The following TSPAN9 variants were observed in gnomAD, a reference collection of about 807,000 sequenced individuals.
The protein encoded by TSPAN9 is tetraspanin-9.
Under a neutral mutation model 31.0 loss-of-function variants are expected in TSPAN9, and 16 were observed. The observed-to-expected ratio is 0.52, with a 90% CI of 0.35 to 0.78. The LOEUF is 0.78. TSPAN9 is among the 30% of genes least tolerant of loss of function. TSPAN9 has a pLI of 0.01. For missense variants in TSPAN9, 272 were observed against 312.5 expected, an observed-to-expected ratio of 0.87 and a Z score of 0.98; for synonymous variants, 145 against 121.6, an observed-to-expected ratio of 1.19 and a Z score of -1.27.
chr12:3,221,796 C>T (rs1738672960), intron 3 of TSPAN9, among the ~76,000 whole-genome samples: 1 of 152,204 alleles, frequency 6.6e-6, no homozygotes, highest in African/African-American at 2.4e-5. Context: ...GCTGGGACTA[C>T]AGGCATGTAC....
intron 3 of TSPAN9, among the ~76,000 whole-genome samples, chr12:3,242,520 C>G (rs2098397096): frequency 6.6e-6 from 1 of 152,266 alleles, no homozygotes; most frequent in Admixed American, 6.5e-5. Context: ...AGAGTAGAAA[C>G]TGGGTCCCCT....
intron 2 of TSPAN9, chr12:3,083,993 A>G (rs2098299184): frequency 6.6e-6 from 1 of 152,058 alleles, no homozygotes; most frequent in Non-Finnish European, 1.5e-5. Flanking sequence ...TGGCCACCCC[A>G]TTTGTGTGGA....
In TSPAN9 at chr12:3,281,351, T is replaced by A; in HGVS notation, c.564+22T>A. ...AACGGTGAGGCTGGGGATGGACCGC[T>A]TGGGTCCAAGAGCCCGTGTGTGGAT... On this transcript the variant is annotated intron_variant, in intron 7 of 8. Transcript: ENST00000011898. The A allele has an allele frequency of 3.9e-6, 6 of 1,542,164 alleles. No individual in the cohort carries two copies. The African/African-American group carries it at 6.9e-5, about 18-fold the overall frequency.
At chr12:3,169,913 C>G (rs2098350804) in intron 2 of TSPAN9, among the ~76,000 whole-genome samples, 1 of 151,806 alleles carries the variant, frequency 6.6e-6, no homozygotes, top group Non-Finnish European at 1.5e-5. Context: ...CTCAAGCCAT[C>G]CACTTGAACC....
At chr12:3,179,154 T>C (rs2098357464) in intron 2 of TSPAN9, among the ~76,000 whole-genome samples, 1 of 152,096 alleles carries the variant, frequency 6.6e-6, no homozygotes, top group Non-Finnish European at 1.5e-5. Context: ...GCTCATTGTT[T>C]GTGGCAACCC....
rs190654180 is a variant in TSPAN9, at chr12:3,283,490, G to A, written c.*374G>A. The A allele has an allele frequency of 2.4e-4, 43 of 181,434 alleles. No homozygotes were observed. Among genetic ancestry groups the A allele is most frequent in the African/African-American group, 9.9e-4 (42 of 42,568 alleles). 11.2% of individuals were successfully genotyped at this position (181,434 alleles called of 1,614,324 possible). On this transcript the variant is annotated 3_prime_UTR_variant, in exon 9 of 9. Coordinates refer to ENST00000011898, the MANE Select transcript of TSPAN9 (RefSeq NM_006675.5). ...TGGGGAGCAGAGTGCCCGCCCCGTG[G>A]AGATACCGCCCCAGCGGGGGCTGCG...
At chr12:3,085,269 T>C (rs536264594) in intron 2 of TSPAN9, among the ~76,000 whole-genome samples, 15 of 151,040 alleles carry the variant, frequency 9.9e-5, no homozygotes, top group African/African-American at 3.7e-4. Context: ...CGTCCTGCTG[T>C]GCGGCATGTC....
At chr12:3,125,604 T>G (rs1013499058) in intron 2 of TSPAN9, among the ~76,000 whole-genome samples, 1 of 152,236 alleles carries the variant, frequency 6.6e-6, no homozygotes, top group Non-Finnish European at 1.5e-5. Flanking sequence ...TTTAAGGTTC[T>G]TTCTTCTCAT....
At chr12:3,191,058 G>A (rs1290700676) in intron 2 of TSPAN9, among the ~76,000 whole-genome samples, 7 of 152,132 alleles carry the variant, frequency 4.6e-5, no homozygotes, top group African/African-American at 1.4e-4. Flanking sequence ...ATGCCAACTG[G>A]ATTGTGGATG....
intron 3 of TSPAN9, among the ~76,000 whole-genome samples, chr12:3,239,381 C>T (rs2098395421): frequency 6.6e-6 from 1 of 152,220 alleles, no homozygotes; most frequent in Admixed American, 6.5e-5. Context: ...CACGCTGGCA[C>T]ACCCACACCT....
At chr12:3,132,787 A>G (rs2098330375) in intron 2 of TSPAN9, among the ~76,000 whole-genome samples, 1 of 152,014 alleles carries the variant, frequency 6.6e-6, no homozygotes, top group Non-Finnish European at 1.5e-5. Flanking sequence ...GAAGCTTCCC[A>G]GGCTCAGGTT....
chr12:3,229,422 T>C (rs895176935), intron 3 of TSPAN9, among the ~76,000 whole-genome samples: 1 of 152,234 alleles, frequency 6.6e-6, no homozygotes, highest in Admixed American at 6.5e-5. Context: ...CCATCCGTCC[T>C]CATTTCACTC....
chr12:3,222,994 G>A (rs1354996588), intron 3 of TSPAN9, among the ~76,000 whole-genome samples: 2 of 152,206 alleles, frequency 1.3e-5, no homozygotes, highest in Non-Finnish European at 2.9e-5. Flanking sequence ...TGGGCGGGCT[G>A]TGCCAGCCCA....
Position 3,109,286 on chromosome 12 carries a change from G to GTGTGTGTGTGTGTGTA in TSPAN9, c.-18+25581_-18+25582insTATGTGTGTGTGTGTG, listed in dbSNP as rs1565578933. On this transcript the variant is annotated intron_variant, in intron 2 of 8. Transcript: ENST00000011898. ...ATATAGTCTGTGTGTGTGTGTGTGT[G>GTGTGTGTGTGTGTGTA]TGTGTGTGTGTGTGAGAGAGAGTGT... Among the ~76,000 whole-genome samples, 50 of 131,738 alleles carry GTGTGTGTGTGTGTGTA rather than the reference G, an allele frequency of 3.8e-4. 2 individuals are homozygous for GTGTGTGTGTGTGTGTA. The highest frequency in any genetic ancestry group is 1.8e-3 in the African/African-American group (50 of 28,384). 86.4% of individuals were successfully genotyped at this position (131,738 alleles called of 152,430 possible). A position where few individuals can be genotyped will look rare whatever the true frequency, so the allele number is the denominator to read the frequency against.
chr12:3,253,642 C>A lies in TSPAN9; in HGVS notation c.64-24779C>A, dbSNP rs563332005. Among the ~76,000 whole-genome samples, 5 of 152,182 alleles carry A rather than the reference C, an allele frequency of 3.3e-5. No homozygotes were observed. In the East Asian group the frequency reaches 5.8e-4, roughly 18 times the overall value. On this transcript the variant is annotated intron_variant, in intron 3 of 8. Transcript: ENST00000011898. ...GGCCAGCGATCAGCCCAGGTCCACT[C>A]GGGTAGAAATGGCAATCTTCATTAA...
intron 2 of TSPAN9, among the ~76,000 whole-genome samples, chr12:3,194,423 T>A (rs1442856418): frequency 6.6e-6 from 1 of 152,162 alleles, no homozygotes; most frequent in Non-Finnish European, 1.5e-5. Flanking sequence ...GGTCTCACTC[T>A]GTCACCCAAG....
rs1202982578 is a variant in TSPAN9 at position 3,280,059 on chromosome 12, C to T, written c.331-323C>T. Among the ~76,000 whole-genome samples the T allele has an allele frequency of 2.6e-5, 4 of 151,822 alleles. No individual in the cohort carries two copies. Among genetic ancestry groups the T allele is most frequent in the Non-Finnish European group, 2.9e-5 (2 of 67,954 alleles). On this transcript the variant is annotated intron_variant, in intron 5 of 8. Transcript: ENST00000011898. The surrounding 1 kb of genome is among the most constrained non-coding windows in gnomAD (Gnocchi z 4.5). ...AGAGTGGCCTGTGTGTGTGGCTGGT[C>T]CTGGGATGGGGGAGTGGAGGCACGT... is the stretch of plus-strand genomic sequence containing the variant.
chr12:3,252,602 A>C (rs958687065), intron 3 of TSPAN9, among the ~76,000 whole-genome samples: 3 of 152,174 alleles, frequency 2.0e-5, no homozygotes, highest in African/African-American at 4.8e-5. Context: ...CTCTTGCAAG[A>C]TCCTCTTGTC....
chr12:3,225,348 G>A (rs924637365), intron 3 of TSPAN9, among the ~76,000 whole-genome samples: 5 of 152,134 alleles, frequency 3.3e-5, no homozygotes, highest in African/African-American at 4.8e-5. Flanking sequence ...TCTCACATGT[G>A]CACGCACAGG....
Sources: allele counts gnomAD v4.1 joint callset (sites outside exome capture counted in the v4.1 genomes callset), GRCh38; gene constraint gnomAD v4.1.1; non-coding constraint Gnocchi (gnomAD v3.1); transcripts MANE v1.5; gene names NCBI Gene and HGNC (gene_info 2026-07-23, HGNC 2026-07-21).